Variants in DYNC2I1 observed in about 807,000 individuals in gnomAD.
The protein encoded by DYNC2I1 is cytoplasmic dynein 2 intermediate chain 1.
Under a neutral mutation model 133.4 loss-of-function variants are expected in DYNC2I1, and 89 were observed. The ratio of observed to expected loss-of-function variants is 0.67; its 90% confidence interval spans 0.56 to 0.80. The LOEUF is 0.80. Ranked by LOEUF, DYNC2I1 falls within the 30% of genes least tolerant of loss-of-function variation. DYNC2I1 has a pLI of 0.00. For synonymous variants in DYNC2I1, 504 were observed against 484.3 expected (o/e 1.04, Z -0.54); for missense variants, 1,291 against 1,314.5 (o/e 0.98, Z 0.28).
chr7:158,920,915 C>T (rs529175057), intron 15 of DYNC2I1, among the ~76,000 whole-genome samples: 2 of 152,146 alleles, frequency 1.3e-5, no homozygotes, highest in East Asian at 1.9e-4. Context: ...ACACAGCCAG[C>T]GGGTCGTCCT....
At position 158,856,569 on chromosome 7, in the gene DYNC2I1, C is replaced by T. The variant is rs2657386; in HGVS notation, c.-167C>T. ...TGCGCAGGCGCACTGGGAGAGGCCG[C>T]AGGGCACGCTGGGCAGTGCTTCTGG... On this transcript the variant is annotated 5_prime_UTR_variant, in exon 1 of 25. Coordinates refer to ENST00000407559, the MANE Select transcript of DYNC2I1 (RefSeq NM_018051.5). 111,645 of 658,214 alleles carry T rather than the reference C, an allele frequency of 0.17. 9,930 individuals carry two copies. Among genetic ancestry groups the T allele is most frequent in the Middle Eastern group, 0.2 (454 of 2,234 alleles). The allele number at this position is 658,214 out of a possible 1,614,324, so 40.8% of individuals were successfully genotyped here. A position where few individuals can be genotyped will look rare whatever the true frequency, so the allele number is the denominator to read the frequency against.
At chr7:158,864,547 T>C (rs1043363303) in intron 1 of DYNC2I1, among the ~76,000 whole-genome samples, 6 of 152,172 alleles carry the variant, frequency 3.9e-5, no homozygotes, top group Non-Finnish European at 7.3e-5. Context: ...TTCGCTGTGT[T>C]GCCTGGGCTG....
intron 8 of DYNC2I1, among the ~76,000 whole-genome samples, chr7:158,900,820 A>G (rs1003408794): frequency 6.8e-6 from 1 of 146,210 alleles, no homozygotes; most frequent in African/African-American, 2.6e-5. Context: ...AAGCACAGAG[A>G]CTTTTCTTCA....
In DYNC2I1 at chr7:158,879,673, G is replaced by T; in HGVS notation, c.574-11G>T. 4 of 1,557,786 alleles carry T rather than the reference G, an allele frequency of 2.6e-6. No homozygotes were observed. The highest frequency in any genetic ancestry group is 3.5e-6 in the Non-Finnish European group (4 of 1,157,870). On this transcript the variant is annotated splice_polypyrimidine_tract_variant and intron_variant, in intron 4 of 24. Transcript: ENST00000407559. ...GTGCTCCTGTGTTTCTCAGCTTGTCGTGTTTTACAGCTGCAGTACGGAGAC... is the reference window on the plus strand; with the variant it reads ...GTGCTCCTGTGTTTCTCAGCTTGTCTTGTTTTACAGCTGCAGTACGGAGAC...
chr7:158,881,555 G>A (rs1222512429), intron 5 of DYNC2I1, among the ~76,000 whole-genome samples: 1 of 152,098 alleles, frequency 6.6e-6, no homozygotes, highest in Non-Finnish European at 1.5e-5. Flanking sequence ...CCAGGTTCAC[G>A]CCATTCTCCT....
At chr7:158,863,808 G>A (rs1183823649) in intron 1 of DYNC2I1, among the ~76,000 whole-genome samples, 1 of 126,204 alleles carries the variant, frequency 7.9e-6, no homozygotes, top group African/African-American at 3.1e-5. Flanking sequence ...GACGTCCTTA[G>A]CTCTGGGTGT....
intron 1 of DYNC2I1, among the ~76,000 whole-genome samples, chr7:158,859,691 C>T (rs182752796): frequency 3.5e-4 from 53 of 152,196 alleles, no homozygotes; most frequent in African/African-American, 2.9e-4. Flanking sequence ...TTAGCAGAGA[C>T]GGGATTTCAT....
intron 1 of DYNC2I1, among the ~76,000 whole-genome samples, chr7:158,864,462 T>C (rs2129476485): frequency 6.6e-6 from 1 of 152,230 alleles, no homozygotes. Context: ...AGAGTGGATT[T>C]AGAAACATGT....
chr7:158,905,140 C>CTTTT (rs77389434), intron 10 of DYNC2I1: 123 of 338,022 alleles, frequency 3.6e-4, no homozygotes, highest in Middle Eastern at 1.0e-3. Context: ...CTTTCTTTTT[C>CTTTT]TTTTTTTTTT....
At chr7:158,911,197 T>G (rs538536473) in intron 11 of DYNC2I1, among the ~76,000 whole-genome samples, 1 of 152,364 alleles carries the variant, frequency 6.6e-6, no homozygotes, top group South Asian at 2.1e-4. Context: ...TGTCAGCTCC[T>G]GAAGTCAAAT....
At chr7:158,855,134 G>A (rs2129475283), upstream of DYNC2I1, among the ~76,000 whole-genome samples, 1 of 152,368 alleles carries the variant, frequency 6.6e-6, no homozygotes, top group East Asian at 1.9e-4. Context: ...AATTTACACA[G>A]AGCTGGCTGT....
chr7:158,877,700 CTCT>C (rs1375694749), intron 4 of DYNC2I1, among the ~76,000 whole-genome samples: 1 of 152,002 alleles, frequency 6.6e-6, no homozygotes, highest in Non-Finnish European at 1.5e-5. Context: ...TTTTTTTTCT[CTCT>C]TTTTTTTATT....
chr7:158,873,049 T>C (rs1843020047), intron 3 of DYNC2I1, among the ~76,000 whole-genome samples: 1 of 151,962 alleles, frequency 6.6e-6, no homozygotes, highest in South Asian at 2.1e-4. Flanking sequence ...ATAAGGCTTA[T>C]TATCTCCGTA....
chr7:158,908,740 C>T (rs1017808797), intron 11 of DYNC2I1, among the ~76,000 whole-genome samples: 3 of 152,136 alleles, frequency 2.0e-5, no homozygotes, highest in Non-Finnish European at 4.4e-5. Flanking sequence ...TCCCCTGAGC[C>T]GGAGAGGCTG....
At chr7:158,910,693 C>G (rs1331625105) in intron 11 of DYNC2I1, among the ~76,000 whole-genome samples, 2 of 146,902 alleles carry the variant, frequency 1.4e-5, no homozygotes, top group South Asian at 2.2e-4. Context: ...GGGCCGATCA[C>G]TATTTGCTGT....
intron 4 of DYNC2I1, among the ~76,000 whole-genome samples, chr7:158,878,164 T>C (rs139221127): frequency 6.6e-5 from 8 of 121,936 alleles, no homozygotes; most frequent in Non-Finnish European, 5.0e-5. Context: ...CTGGGCATCA[T>C]GTGGGGAGGC....
At chr7:158,852,554 C>T (rs1370525611), upstream of DYNC2I1, among the ~76,000 whole-genome samples, 3 of 151,754 alleles carry the variant, frequency 2.0e-5, no homozygotes, top group African/African-American at 7.2e-5. Flanking sequence ...GCCTGGCCAA[C>T]ATGGTGAAAC....
the DYNC2I1 span, among the ~76,000 whole-genome samples, chr7:158,846,141 C>T: frequency 0.035 from 5,273 of 152,200 alleles, 280 homozygotes; most frequent in African/African-American, 0.11. Flanking sequence ...CACCTGTAGT[C>T]CCAGCTACTT....
rs139603314 is a variant in DYNC2I1, at chr7:158,890,226, A to C, written c.991-1039A>C. Among the ~76,000 whole-genome samples the C allele has an allele frequency of 4.2e-3, 642 of 152,278 alleles. 8 individuals carry two copies. Among genetic ancestry groups the C allele is most frequent in the African/African-American group, 0.015 (608 of 41,552 alleles). ...AATTAATTTCATAACATCTTATATA[A>C]TCCAATAAATCTAAAATAGTATCCG... On this transcript the variant is annotated intron_variant, in intron 7 of 24. Transcript: ENST00000407559.
Sources: allele counts gnomAD v4.1 joint callset (sites outside exome capture counted in the v4.1 genomes callset), GRCh38; gene constraint gnomAD v4.1.1; transcripts MANE v1.5; gene names NCBI Gene and HGNC (gene_info 2026-07-23, HGNC 2026-07-21).